Variants in TDRD15 observed in about 807,000 individuals in gnomAD.
TDRD15 encodes the protein tudor domain-containing protein 15.
For missense variants in TDRD15, 1,416 were observed against 904.7 expected, an observed-to-expected ratio of 1.57 and a Z score of -7.25; for synonymous variants, 503 against 314.5, an observed-to-expected ratio of 1.60 and a Z score of -6.34.
Position 21,144,104 on chromosome 2 carries a change from G to A in TDRD15, c.*832G>A, listed in dbSNP as rs1402044719. On this transcript the variant is annotated 3_prime_UTR_variant, in exon 4 of 4. Coordinates refer to ENST00000405799, the MANE Select transcript of TDRD15 (RefSeq NM_001306137.2). ...TATGAAATGTCTTTAGGTTTTTTGA[G>A]TGTGCTTCTAGCATATTTCTGAACC... 1.3e-5 allele frequency among the ~76,000 whole-genome samples: 2 copies of A among 151,640 alleles called. No homozygotes were observed. Among genetic ancestry groups the A allele is most frequent in the African/African-American group, 4.8e-5 (2 of 41,370 alleles).
rs1558299230 is a variant in TDRD15 at position 21,139,055 on chromosome 2, A to G, written c.1588A>G (p.Arg530Gly). The G allele has an allele frequency of 1.4e-6, 1 of 715,296 alleles. No individual in the cohort carries two copies. The highest frequency in any genetic ancestry group is 1.5e-5 in the South Asian group (1 of 67,274). 44.3% of individuals were successfully genotyped at this position (715,296 alleles called of 1,614,324 possible). A position where few individuals can be genotyped will look rare whatever the true frequency, so the allele number is the denominator to read the frequency against. The change falls in exon 4 of 4, where the codon AGA becomes GGA. Residue 530 changes from arginine (R) to glycine (G), a missense_variant. Arg to Gly is a moderately radical substitution (Grantham distance 125, BLOSUM62 -2). Coordinates refer to ENST00000405799, the MANE Select transcript of TDRD15 (RefSeq NM_001306137.2). ...DLCENDEMIL[R>G]KPEPGLFCCA... ...GTGTGAAAACGATGAAATGATTCTA[A>G]GAAAACCTGAACCTGGATTATTTTG... is the stretch of plus-strand genomic sequence containing the variant.
chr2:21,135,903 T>TA (rs34513303), intron 3 of TDRD15, among the ~76,000 whole-genome samples: 1 of 152,028 alleles, frequency 6.6e-6, no homozygotes, highest in Non-Finnish European at 1.5e-5. Flanking sequence ...GTAACCTATT[T>TA]AAAAAGTTCC....
intron 1 of TDRD15, among the ~76,000 whole-genome samples, chr2:21,125,087 TGTGA>T (rs1665558522): frequency 6.7e-6 from 1 of 148,736 alleles, no homozygotes; most frequent in South Asian, 2.2e-4. Context: ...TGTCAGGGTG[TGTGA>T]GTGTGAGACC....
chr2:21,140,917 A>G lies in TDRD15; in HGVS notation c.3450A>G (p.Ala1150=), dbSNP rs1240554053. Reference sequence around the variant, plus strand: ...ATGGAAAAAGACATTGTGACCAAGCATGCTGCATGGAAAAGAGTAATAAAA... The same window carrying G: ...ATGGAAAAAGACATTGTGACCAAGCGTGCTGCATGGAAAAGAGTAATAAAA... ...HAYGKRHCDQ[A]CCMEKSNKIN... The change falls in exon 4 of 4, where the codon GCA becomes GCG. Residue 1150 remains alanine, a synonymous_variant. Coordinates refer to ENST00000405799, the MANE Select transcript of TDRD15 (RefSeq NM_001306137.2). The G allele has an allele frequency of 1.4e-6, 1 of 708,786 alleles. No homozygotes were observed. Among genetic ancestry groups the G allele is most frequent in the Non-Finnish European group, 2.6e-6 (1 of 382,072 alleles). The allele number at this position is 708,786 out of a possible 1,614,324, so 43.9% of individuals were successfully genotyped here. A position where few individuals can be genotyped will look rare whatever the true frequency, so the allele number is the denominator to read the frequency against.
At chr2:21,129,239 T>G (rs952768551) in intron 2 of TDRD15, among the ~76,000 whole-genome samples, 2 of 152,258 alleles carry the variant, frequency 1.3e-5, no homozygotes, top group African/African-American at 4.8e-5. Context: ...TTCAGTTTTC[T>G]TTGGTCTATA....
intron 2 of TDRD15, among the ~76,000 whole-genome samples, chr2:21,134,097 G>A (rs1301592903): frequency 6.6e-6 from 1 of 151,730 alleles, no homozygotes; most frequent in Non-Finnish European, 1.5e-5. Flanking sequence ...ATTTATAGAA[G>A]ATAAACTCCA....
At chr2:21,133,987 T>C (rs1362807647) in intron 2 of TDRD15, among the ~76,000 whole-genome samples, 2 of 152,056 alleles carry the variant, frequency 1.3e-5, no homozygotes, top group Non-Finnish European at 2.9e-5. Flanking sequence ...ATTTCATTTG[T>C]CTCTTTAATT....
rs1435969986 is a variant in TDRD15, at chr2:21,137,771, G to A, written c.304G>A (p.Val102Ile). The part of the protein sequence containing the change: ...LLIDRGEELR[V>I]AGPQIASACG... ...CATAGATCGCGGAGAAGAACTAAGAGTTGCTGGTCCACAGATTGCTTCAGC... is the reference window on the plus strand; with the variant it reads ...CATAGATCGCGGAGAAGAACTAAGAATTGCTGGTCCACAGATTGCTTCAGC... The change falls in exon 4 of 4, where the codon GTT becomes ATT. Residue 102 changes from valine to isoleucine, a missense_variant. By Grantham distance (29) the Val-to-Ile change is conservative. Transcript: ENST00000405799. 5 of 716,536 alleles carry A rather than the reference G, an allele frequency of 7.0e-6. No individual in the cohort carries two copies. The highest frequency in any genetic ancestry group is 1.7e-5 in the African/African-American group (1 of 57,168). The allele number at this position is 716,536 out of a possible 1,614,324, so 44.4% of individuals were successfully genotyped here. A position where few individuals can be genotyped will look rare whatever the true frequency, so the allele number is the denominator to read the frequency against.
In TDRD15 at chr2:21,138,144, T is replaced by C. The variant is rs1228020472; in HGVS notation, c.677T>C (p.Ile226Thr). The C allele has an allele frequency of 1.3e-5, 9 of 716,560 alleles. No individual in the cohort carries two copies. The highest frequency in any genetic ancestry group is 2.3e-5 in the Non-Finnish European group (9 of 384,466). 44.4% of individuals were successfully genotyped at this position (716,560 alleles called of 1,614,324 possible). ...GGTAATAAAGATACTTCACTTGATA[T>C]TCAGCATGTTCTGGATAAGTTGCAG... The part of the protein sequence containing the change: ...SLGNKDTSLD[I>T]QHVLDKLQPS... Residue 226 changes from isoleucine (I) to threonine (T), a missense_variant, in exon 4 of 4, where the codon ATT (isoleucine) becomes ACT (threonine). Coordinates refer to ENST00000405799, the MANE Select transcript of TDRD15 (RefSeq NM_001306137.2).
intron 1 of TDRD15, 84 bp downstream of exon 1, chr2:21,124,130 A>T (rs1665531927): frequency 6.6e-6 from 1 of 152,652 alleles, no homozygotes; most frequent in Non-Finnish European, 1.5e-5. Context: ...TTCTCCTCCG[A>T]CCTACAGGGG....
At position 21,142,316 on chromosome 2, in the gene TDRD15, A is replaced by T; in HGVS notation, c.4849A>T (p.Ile1617Leu). The T allele has an allele frequency of 1.4e-6, 1 of 689,900 alleles. No homozygotes were observed. Among genetic ancestry groups the T allele is most frequent in the East Asian group, 2.7e-5 (1 of 37,060 alleles). The allele number at this position is 689,900 out of a possible 1,614,324, so 42.7% of individuals were successfully genotyped here. The stretch of plus-strand genomic sequence containing the variant: ...TTTAGTAGATTGTGGTATCTATGAA[A>T]TAGTACCTGTATGTAATACCAAGCT... ...VFLVDCGIYE[I>L]VPVCNTKLLS... The change falls in exon 4 of 4, where the codon ATA (isoleucine) becomes TTA (leucine). Residue 1617 changes from isoleucine (I) to leucine (L), a missense_variant. Ile to Leu is a conservative substitution (Grantham distance 5, BLOSUM62 2). Transcript: ENST00000405799.
intron 2 of TDRD15, among the ~76,000 whole-genome samples, chr2:21,133,570 T>C (rs1665756878): frequency 6.6e-6 from 1 of 152,146 alleles, no homozygotes; most frequent in African/African-American, 2.4e-5. Context: ...TCGGTTTCAG[T>C]TGATCTTCAG....
In TDRD15 at chr2:21,139,277, G is replaced by A. The variant is rs753923809; in HGVS notation, c.1810G>A (p.Val604Ile). Reference sequence around the variant, plus strand: ...CTGTTCACTTGCACATATATTTCCTGTTGAAGATTTATGGACTAAGGCTGC... The same window carrying A: ...CTGTTCACTTGCACATATATTTCCTATTGAAGATTTATGGACTAAGGCTGC... ...MCCSLAHIFPVEDLWTKAAID... is the reference protein window; with the variant it reads ...MCCSLAHIFPIEDLWTKAAID... Residue 604 changes from valine (V) to isoleucine (I), a missense_variant, in exon 4 of 4, where the codon GTT becomes ATT. Coordinates refer to ENST00000405799, the MANE Select transcript of TDRD15 (RefSeq NM_001306137.2). 2.7e-5 allele frequency: 19 copies of A among 713,722 alleles called. No individual in the cohort carries two copies. The South Asian group carries it at 2.7e-4, about 10-fold the overall frequency. The allele number at this position is 713,722 out of a possible 1,614,324, so 44.2% of individuals were successfully genotyped here.
Position 21,127,988 on chromosome 2 carries a change from T to C in TDRD15, c.-90+277T>C, listed in dbSNP as rs1282303320. Reference sequence around the variant, plus strand: ...GTTTCAACAAACATCTTTCAGTATGTATTCTTATATTCATAAGGATAGATT... The same window carrying C: ...GTTTCAACAAACATCTTTCAGTATGCATTCTTATATTCATAAGGATAGATT... On this transcript the variant is annotated intron_variant, in intron 2 of 3. Coordinates refer to ENST00000405799, the MANE Select transcript of TDRD15 (RefSeq NM_001306137.2). Among the ~76,000 whole-genome samples the C allele has an allele frequency of 2.0e-5, 3 of 152,220 alleles. No homozygotes were observed. The East Asian group carries it at 5.8e-4, about 29-fold the overall frequency.
chr2:21,142,474 T>C lies in TDRD15; in HGVS notation c.5007T>C (p.Tyr1669=), dbSNP rs1465208853. ...DLEINILFLK[Y]LDAVWEVEIL... ...AAATAAATATTCTTTTCCTGAAATA[T>C]TTAGATGCTGTTTGGGAAGTAGAAA... Residue 1669 remains tyrosine (Y), a synonymous_variant, in exon 4 of 4, where the codon TAT becomes TAC. Coordinates refer to ENST00000405799, the MANE Select transcript of TDRD15 (RefSeq NM_001306137.2). The C allele has an allele frequency of 4.3e-6, 3 of 705,258 alleles. No individual in the cohort carries two copies. The highest frequency in any genetic ancestry group is 1.8e-5 in the African/African-American group (1 of 56,608). 43.7% of individuals were successfully genotyped at this position (705,258 alleles called of 1,614,324 possible).
chr2:21,125,815 T>A (rs1303361738), intron 1 of TDRD15, among the ~76,000 whole-genome samples: 1 of 152,214 alleles, frequency 6.6e-6, no homozygotes, highest in African/African-American at 2.4e-5. Context: ...CACATATTCA[T>A]GTATACACGT....
chr2:21,128,744 T>A (rs1665649830), intron 2 of TDRD15, among the ~76,000 whole-genome samples: 1 of 152,164 alleles, frequency 6.6e-6, no homozygotes. Flanking sequence ...ATATTTCAAA[T>A]GTTTTTCTAA....
In TDRD15 at chr2:21,141,296, G is replaced by A. The variant is rs1665923681; in HGVS notation, c.3829G>A (p.Asp1277Asn). 1 of 714,736 alleles carries A rather than the reference G, an allele frequency of 1.4e-6. No individual in the cohort carries two copies. Among genetic ancestry groups the A allele is most frequent in the Admixed American group, 2.0e-5 (1 of 49,622 alleles). The allele number at this position is 714,736 out of a possible 1,614,324, so 44.3% of individuals were successfully genotyped here. A position where few individuals can be genotyped will look rare whatever the true frequency, so the allele number is the denominator to read the frequency against. ...TCAAACAACCTCACAAAACCCATAT[G>A]ACCTTATTAGGCCACAGATCAAAGA... ...LNQTTSQNPY[D>N]LIRPQIKDLP... Residue 1277 changes from aspartate (D) to asparagine (N), a missense_variant, in exon 4 of 4, where the codon GAC becomes AAC. Asp to Asn is a conservative substitution (Grantham distance 23, BLOSUM62 1). Coordinates refer to ENST00000405799, the MANE Select transcript of TDRD15 (RefSeq NM_001306137.2).
chr2:21,138,161 A>C lies in TDRD15; in HGVS notation c.694A>C (p.Lys232Gln), dbSNP rs147722239. 2.3e-4 allele frequency: 162 copies of C among 716,742 alleles called. 2 individuals are homozygous for C. The African/African-American group carries it at 2.4e-3, about 11-fold the overall frequency. 44.4% of individuals were successfully genotyped at this position (716,742 alleles called of 1,614,324 possible). A position where few individuals can be genotyped will look rare whatever the true frequency, so the allele number is the denominator to read the frequency against. ...TSLDIQHVLD[K>Q]LQPSLSVGST... is the part of the protein sequence containing the mutation. ...ACTTGATATTCAGCATGTTCTGGAT[A>C]AGTTGCAGCCATCTTTGTCAGTAGG... The change falls in exon 4 of 4, where the codon AAG becomes CAG. Residue 232 changes from lysine (K) to glutamine (Q), a missense_variant. Lys to Gln is a moderately conservative substitution (Grantham distance 53). Transcript: ENST00000405799.
Sources: gnomAD v4.1 joint callset for allele counts (sites outside exome capture counted in the v4.1 genomes callset) on GRCh38, gnomAD v4.1.1 for gene constraint, MANE v1.5 for transcripts, NCBI Gene and HGNC (gene_info 2026-07-23, HGNC 2026-07-21) for gene names.